Variants in ELOVL6 observed in about 807,000 individuals in gnomAD.
ELOVL6 encodes ELOVL fatty acid elongase 6.
ELOVL6 carries 8 observed loss-of-function variants against 31.7 expected under a neutral mutation model. The ratio of observed to expected loss-of-function variants is 0.25; its 90% CI spans 0.15 to 0.45. The LOEUF (loss-of-function observed/expected upper bound fraction) is 0.45, where lower values mean the gene tolerates loss of function less well. Ranked by LOEUF, ELOVL6 falls within the 20% of genes least tolerant of loss-of-function variation. The pLI, the probability that ELOVL6 is intolerant of heterozygous loss-of-function variation, is 1.00. For missense variants in ELOVL6, 126 were observed against 326.4 expected (o/e 0.39, Z 4.73); for synonymous variants, 101 against 117.7 (o/e 0.86, Z 0.92).
intron 1 of ELOVL6, among the ~76,000 whole-genome samples, chr4:110,165,645 A>G (rs916298660): frequency 1.3e-5 from 2 of 152,194 alleles, no homozygotes; most frequent in African/African-American, 2.4e-5. Context: ...GGGCGGTTCT[A>G]ATCTCATCTG....
At chr4:110,061,549 C>CTTTTTTTTTTTTTTTTTTTTTTTTTTTT (rs57846282) in intron 2 of ELOVL6, among the ~76,000 whole-genome samples, 2 of 72,378 alleles carry the variant, frequency 2.8e-5, no homozygotes, top group Non-Finnish European at 5.2e-5. Flanking sequence ...CAAATGATGG[C>CTTTTTTTTTTTTTTTTTTTTTTTTTTTT]TTTTTTTTTT....
At chr4:110,159,005 A>T (rs10028699) in intron 1 of ELOVL6, among the ~76,000 whole-genome samples, 69,355 of 151,684 alleles carry the variant, frequency 0.46, 16,960 homozygotes, top group East Asian at 0.64. Context: ...TGACTCACAA[A>T]ATCTGAATCT....
intron 1 of ELOVL6, among the ~76,000 whole-genome samples, chr4:110,125,583 G>A (rs1160782042): frequency 6.6e-6 from 1 of 152,078 alleles, no homozygotes; most frequent in Admixed American, 6.6e-5. Context: ...CACTTTGGGA[G>A]GCTGAGGTGG....
chr4:110,180,233 A>C (rs544803074), intron 1 of ELOVL6, among the ~76,000 whole-genome samples: 81 of 152,330 alleles, frequency 5.3e-4, no homozygotes, highest in African/African-American at 1.9e-3. Context: ...TGTGTGAAAT[A>C]ACACCCACAA....
intron 2 of ELOVL6, among the ~76,000 whole-genome samples, chr4:110,081,758 TAAAG>T (rs1755860455): frequency 1.3e-5 from 2 of 149,824 alleles, no homozygotes; most frequent in Non-Finnish European, 3.0e-5. Flanking sequence ...CTAATTAAAC[TAAAG>T]AGCTTCTGCA....
intron 2 of ELOVL6, among the ~76,000 whole-genome samples, chr4:110,089,405 GT>G (rs1257916517): frequency 6.6e-6 from 1 of 152,102 alleles, no homozygotes; most frequent in African/African-American, 2.4e-5. Flanking sequence ...ATATATGTAG[GT>G]TCCTCAGGGC....
At chr4:110,121,496 T>G (rs183858234) in intron 1 of ELOVL6, among the ~76,000 whole-genome samples, 2 of 152,252 alleles carry the variant, frequency 1.3e-5, no homozygotes. Flanking sequence ...GTAGTAGTTT[T>G]TACCATCTTG....
chr4:110,135,541 G>A (rs1757787549), intron 1 of ELOVL6, among the ~76,000 whole-genome samples: 1 of 152,110 alleles, frequency 6.6e-6, no homozygotes, highest in Non-Finnish European at 1.5e-5. Context: ...AGGGTAGCAG[G>A]GTAGTAGCCT....
intron 1 of ELOVL6, among the ~76,000 whole-genome samples, chr4:110,167,343 CTCTG>C (rs1758806773): frequency 6.7e-6 from 1 of 150,026 alleles, no homozygotes; most frequent in South Asian, 2.1e-4. Flanking sequence ...ATATGTCTCT[CTCTG>C]TGTGTGTTTA....
chr4:110,079,465 C>T (rs1015721138), intron 2 of ELOVL6, among the ~76,000 whole-genome samples: 1 of 152,058 alleles, frequency 6.6e-6, no homozygotes, highest in African/African-American at 2.4e-5. Flanking sequence ...TACATGAAAA[C>T]TGAACAACCT....
At chr4:110,155,142 A>G (rs1411605793) in intron 1 of ELOVL6, among the ~76,000 whole-genome samples, 1 of 152,168 alleles carries the variant, frequency 6.6e-6, no homozygotes, top group East Asian at 1.9e-4. Flanking sequence ...CTAGTAATAT[A>G]TTTTTTAAAC....
chr4:110,101,933 T>C (rs976282828), intron 2 of ELOVL6, among the ~76,000 whole-genome samples: 17 of 152,212 alleles, frequency 1.1e-4, no homozygotes, highest in South Asian at 2.1e-4. Flanking sequence ...AAATAAGACA[T>C]CTTCTCTGCT....
chr4:110,143,343 T>C (rs1465786736), intron 1 of ELOVL6, among the ~76,000 whole-genome samples: 1 of 152,124 alleles, frequency 6.6e-6, no homozygotes, highest in Non-Finnish European at 1.5e-5. Flanking sequence ...ATGTATAATA[T>C]TTATCATCCA....
intron 1 of ELOVL6, among the ~76,000 whole-genome samples, chr4:110,192,017 T>C (rs6837119): frequency 0.32 from 48,461 of 151,406 alleles, 7,999 homozygotes; most frequent in Middle Eastern, 0.43. Context: ...TGGTGAAAAC[T>C]CGTTTCTACT....
At chr4:110,114,709 G>T (rs1199036931) in intron 1 of ELOVL6, among the ~76,000 whole-genome samples, 1 of 152,198 alleles carries the variant, frequency 6.6e-6, no homozygotes, top group African/African-American at 2.4e-5. Context: ...AGCCTAGGAC[G>T]TCTTATAACT....
chr4:110,094,423 AT>A (rs1560820578), intron 2 of ELOVL6, among the ~76,000 whole-genome samples: 4 of 62,586 alleles, frequency 6.4e-5, no homozygotes, highest in Admixed American at 2.3e-4. Flanking sequence ...ATATATATAT[AT>A]ATATATATAT....
chr4:110,109,288 T>G (rs1031291312), intron 1 of ELOVL6, among the ~76,000 whole-genome samples: 1 of 152,204 alleles, frequency 6.6e-6, no homozygotes, highest in Non-Finnish European at 1.5e-5. Flanking sequence ...GTGCATCATA[T>G]AGCACAACCC....
chr4:110,055,970 T>G (rs1258303359), intron 3 of ELOVL6, among the ~76,000 whole-genome samples: 1 of 152,008 alleles, frequency 6.6e-6, no homozygotes, highest in Non-Finnish European at 1.5e-5. Flanking sequence ...TATTAAGAGT[T>G]TAGTGAAGGG....
At chr4:110,185,185 A>G (rs1473727759) in intron 1 of ELOVL6, among the ~76,000 whole-genome samples, 2 of 152,250 alleles carry the variant, frequency 1.3e-5, no homozygotes, top group Non-Finnish European at 2.9e-5. Flanking sequence ...ATCACACATA[A>G]TATCAGCAAT....
Sources: gnomAD v4.1 joint callset for allele counts (sites outside exome capture counted in the v4.1 genomes callset) on GRCh38, gnomAD v4.1.1 for gene constraint, MANE v1.5 for transcripts, NCBI Gene and HGNC (gene_info 2026-07-23, HGNC 2026-07-21) for gene names.